ELP4: variants seen among roughly 807,000 people sequenced by gnomAD.
ELP4 encodes elongator acetyltransferase complex subunit 4.
In ELP4, 51 loss-of-function variants were observed where a neutral mutation model predicts 48.9. The observed-to-expected ratio is 1.04, with a 90% CI of 0.83 to 1.32. ELP4 has a LOEUF of 1.32. Among genes scored for constraint, ELP4 ranks in the 40% most tolerant of loss-of-function variants. The pLI is 0.00. For synonymous variants in ELP4, 210 were observed against 189.2 expected (o/e 1.11, Z -0.90); for missense variants, 519 against 514.6 (o/e 1.01, Z -0.08).
At chr11:31,619,973 T>C (rs574680909) in intron 5 of ELP4, among the ~76,000 whole-genome samples, 20 of 152,170 alleles carry the variant, frequency 1.3e-4, no homozygotes, top group African/African-American at 4.8e-4. Context: ...GTAGAAAATG[T>C]GTGCTAGGTG....
chr11:31,703,451 A>G lies in ELP4; in HGVS notation c.1143+53230A>G, dbSNP rs185404035. ...CAGTGTTTTTCAAAGTATGAGTAAA[A>G]TATGAATATTTTTAACATAATCTAT... is the stretch of plus-strand genomic sequence containing the variant. On this transcript the variant is annotated intron_variant, in intron 9 of 9. Coordinates refer to ENST00000640961, the MANE Select transcript of ELP4 (RefSeq NM_019040.5). 1.2e-3 allele frequency among the ~76,000 whole-genome samples: 182 copies of G among 152,346 alleles called. 1 individual carries two copies. The highest frequency in any genetic ancestry group is 1.9e-3 in the Non-Finnish European group (127 of 68,036).
At chr11:31,549,266 C>T (rs1956792889) in intron 3 of ELP4, among the ~76,000 whole-genome samples, 2 of 151,706 alleles carry the variant, frequency 1.3e-5, no homozygotes, top group Non-Finnish European at 2.9e-5. Flanking sequence ...CCAGAATCTA[C>T]AATGAACTCA....
intron 9 of ELP4, among the ~76,000 whole-genome samples, chr11:31,776,152 CA>C (rs371572032): frequency 0.023 from 1,211 of 51,716 alleles, 11 homozygotes; most frequent in African/African-American, 0.055. Context: ...CCCTATCTCA[CA>C]AAAAAAAAAA....
At chr11:31,719,056 T>C (rs1293208106) in intron 9 of ELP4, among the ~76,000 whole-genome samples, 1 of 152,018 alleles carries the variant, frequency 6.6e-6, no homozygotes, top group African/African-American at 2.4e-5. Flanking sequence ...CCCAGGAGTT[T>C]GAGACCAGCC....
chr11:31,563,725 A>G (rs7104727), intron 3 of ELP4, among the ~76,000 whole-genome samples: 3,884 of 152,270 alleles, frequency 0.026, 156 homozygotes, highest in African/African-American at 0.088. Flanking sequence ...TATAGAACTT[A>G]TGGAGTCTGC....
At chr11:31,553,611 A>G (rs937129088) in intron 3 of ELP4, among the ~76,000 whole-genome samples, 1 of 151,978 alleles carries the variant, frequency 6.6e-6, no homozygotes, top group African/African-American at 2.4e-5. Context: ...CTAGAACTAC[A>G]CTATTAACTG....
intron 9 of ELP4, chr11:31,653,997 A>G (rs952243325): frequency 1.3e-5 from 2 of 151,750 alleles, no homozygotes; most frequent in Admixed American, 1.3e-4. Flanking sequence ...TTTCACTTGC[A>G]CTTAATAATA....
intron 9 of ELP4, among the ~76,000 whole-genome samples, chr11:31,670,115 C>T (rs1331064913): frequency 6.6e-6 from 1 of 152,074 alleles, no homozygotes; most frequent in African/African-American, 2.4e-5. Context: ...GCATTAAAAC[C>T]CTATCAAATA....
intron 1 of ELP4, among the ~76,000 whole-genome samples, chr11:31,516,707 G>C (rs1956118636): frequency 6.6e-6 from 1 of 152,116 alleles, no homozygotes; most frequent in African/African-American, 2.4e-5. Context: ...GTCCAGGCTT[G>C]TCTCAAACTC....
intron 9 of ELP4, among the ~76,000 whole-genome samples, chr11:31,682,771 C>G (rs1946080123): frequency 6.6e-6 from 1 of 152,126 alleles, no homozygotes; most frequent in Middle Eastern, 3.2e-3. Context: ...TATGAAAATA[C>G]TGTACAAAGA....
intron 9 of ELP4, among the ~76,000 whole-genome samples, chr11:31,674,660 T>C (rs1945880171): frequency 6.6e-6 from 1 of 152,214 alleles, no homozygotes; most frequent in Non-Finnish European, 1.5e-5. Context: ...TTACCAGTTG[T>C]ACATTTTAGG....
chr11:31,672,819 A>G (rs1355369083), intron 9 of ELP4, among the ~76,000 whole-genome samples: 1 of 151,922 alleles, frequency 6.6e-6, no homozygotes, highest in Non-Finnish European at 1.5e-5. Context: ...AAAATAAGTA[A>G]TCTTTTTAAA....
rs773103343 is a variant in ELP4 at position 31,769,987 on chromosome 11, G to A, written c.1144-13406G>A. 2.6e-5 allele frequency among the ~76,000 whole-genome samples: 4 copies of A among 152,120 alleles called. No homozygotes were observed. In the East Asian group the frequency reaches 5.8e-4, roughly 22 times the overall value. On this transcript the variant is annotated intron_variant, in intron 9 of 9. Coordinates refer to ENST00000640961, the MANE Select transcript of ELP4 (RefSeq NM_019040.5). ...CTCCTCACTTATCTTGGGTAGGAAA[G>A]GTACTTCCTAGGCAAGGCAGGCTTG... is the stretch of plus-strand genomic sequence containing the variant.
intron 9 of ELP4, among the ~76,000 whole-genome samples, chr11:31,702,650 G>A (rs1465480387): frequency 6.6e-6 from 1 of 152,000 alleles, no homozygotes; most frequent in East Asian, 1.9e-4. Context: ...ACATTAGTTA[G>A]CATTTAGTCT....
At chr11:31,783,324 T>C in intron 9 of ELP4, 69 bp from the exon 10 acceptor site, 1 of 1,458,086 alleles carries the variant, frequency 6.9e-7, no homozygotes, top group Non-Finnish European at 9.5e-7. Context: ...TGAAGTATGC[T>C]AGCCAAAGCA....
chr11:31,685,375 A>T (rs1009981150), intron 9 of ELP4, among the ~76,000 whole-genome samples: 1 of 152,058 alleles, frequency 6.6e-6, no homozygotes, highest in Non-Finnish European at 1.5e-5. Context: ...ACAAAATAGC[A>T]AAGGAAATTT....
At chr11:31,568,319 T>C (rs1383593346) in intron 3 of ELP4, among the ~76,000 whole-genome samples, 1 of 152,182 alleles carries the variant, frequency 6.6e-6, no homozygotes, top group Non-Finnish European at 1.5e-5. Context: ...TCTTCCTTGC[T>C]CATGAATTGG....
intron 9 of ELP4, among the ~76,000 whole-genome samples, chr11:31,761,514 T>C (rs1323665521): frequency 1.3e-5 from 2 of 152,170 alleles, no homozygotes; most frequent in Non-Finnish European, 1.5e-5. Context: ...CCAGTAAGTA[T>C]ATAAAATCTC....
intron 3 of ELP4, among the ~76,000 whole-genome samples, chr11:31,576,505 A>G (rs1177006287): frequency 1.3e-5 from 2 of 152,328 alleles, no homozygotes; most frequent in East Asian, 1.9e-4. Flanking sequence ...TCAGCACGAC[A>G]TCACACTTAT....
Sources: allele counts gnomAD v4.1 joint callset (sites outside exome capture counted in the v4.1 genomes callset), GRCh38; gene constraint gnomAD v4.1.1; transcripts MANE v1.5; gene names NCBI Gene and HGNC (gene_info 2026-07-23, HGNC 2026-07-21).